SNX29: variants seen among roughly 807,000 people sequenced by gnomAD.
SNX29 encodes sorting nexin 29.
Under a neutral mutation model 102.1 loss-of-function variants are expected in SNX29, and 78 were observed. The observed-to-expected ratio is 0.76, with a 90% CI of 0.64 to 0.92. The LOEUF (loss-of-function observed/expected upper bound fraction) is 0.92. Ranked by LOEUF, SNX29 falls within the 40% of genes least tolerant of loss-of-function variation. The pLI is 0.00. For missense variants in SNX29, 1,280 were observed against 1,061.7 expected (o/e 1.21, Z -2.86); for synonymous variants, 580 against 414.5 (o/e 1.40, Z -4.85).
chr16:12,450,027 CAGG>C lies in SNX29; in HGVS notation c.2038-27689_2038-27687del, dbSNP rs72232562. On this transcript the variant is annotated intron_variant, in intron 18 of 20. Transcript: ENST00000566228. ...TGTTGTTATGATGGTGAGTAATTCT[CAGG>C]AGAGCTGATGGTTTTATAAGGGAAA... Among the ~76,000 whole-genome samples, 1,389 of 152,256 alleles carry C rather than the reference CAGG, an allele frequency of 9.1e-3. 26 individuals are homozygous for C. The highest frequency in any genetic ancestry group is 0.032 in the African/African-American group (1,322 of 41,520).
intron 2 of SNX29, chr16:12,000,409 A>T (rs2056245541): frequency 6.6e-6 from 1 of 152,230 alleles, no homozygotes. Flanking sequence ...CAGAGCTAGG[A>T]TCCAAATCTA....
At chr16:12,425,272 C>T (rs2085018381) in intron 18 of SNX29, among the ~76,000 whole-genome samples, 1 of 152,172 alleles carries the variant, frequency 6.6e-6, no homozygotes, top group Admixed American at 6.5e-5. Context: ...TCACCCCGCA[C>T]ATGCTAAGAA....
chr16:12,186,264 T>C (rs2076507120), intron 13 of SNX29, among the ~76,000 whole-genome samples: 1 of 152,246 alleles, frequency 6.6e-6, no homozygotes, highest in Non-Finnish European at 1.5e-5. Context: ...ATCTGAGATT[T>C]GCTCAAGAAT....
chr16:12,320,661 G>A (rs1306753265), intron 15 of SNX29, among the ~76,000 whole-genome samples: 1 of 152,106 alleles, frequency 6.6e-6, no homozygotes, highest in Non-Finnish European at 1.5e-5. Flanking sequence ...TCATGTGCTG[G>A]GGAAACTAAG....
chr16:12,459,610 G>C (rs558399945), intron 18 of SNX29, among the ~76,000 whole-genome samples: 7 of 152,216 alleles, frequency 4.6e-5, no homozygotes, highest in African/African-American at 1.4e-4. Context: ...TGCACGTGGG[G>C]CTGGGTGGAG....
At position 12,559,258 on chromosome 16, in the gene SNX29, C is replaced by G. The variant is rs189179914; in HGVS notation, c.2319-9248C>G. 4.6e-5 allele frequency among the ~76,000 whole-genome samples: 7 copies of G among 152,202 alleles called. No homozygotes were observed. The East Asian group carries it at 1.2e-3, about 25-fold the overall frequency. On this transcript the variant is annotated intron_variant, in intron 20 of 20. Coordinates refer to ENST00000566228, the MANE Select transcript of SNX29 (RefSeq NM_032167.5). Reference sequence around the variant, plus strand: ...CATCACTCGCATCACCGCCTGAGCTCTGCCTGTCAGATCAGCAGCAGCACT... The same window carrying G: ...CATCACTCGCATCACCGCCTGAGCTGTGCCTGTCAGATCAGCAGCAGCACT...
intron 18 of SNX29, among the ~76,000 whole-genome samples, chr16:12,472,684 C>T (rs1178793895): frequency 6.6e-6 from 1 of 152,104 alleles, no homozygotes; most frequent in South Asian, 2.1e-4. Flanking sequence ...TAAAAGAAAG[C>T]GTCTCCTTGA....
chr16:12,462,638 A>G (rs1300231026), intron 18 of SNX29, among the ~76,000 whole-genome samples: 2 of 152,194 alleles, frequency 1.3e-5, no homozygotes, highest in African/African-American at 2.4e-5. Context: ...TTATCAATAT[A>G]TCATAAGCAG....
At chr16:12,472,544 CAAAAA>C in intron 18 of SNX29, among the ~76,000 whole-genome samples, 1 of 115,640 alleles carries the variant, frequency 8.6e-6, no homozygotes, top group Admixed American at 8.5e-5. Flanking sequence ...AAAAAAAAAA[CAAAAA>C]AAAAAAGAAA....
At chr16:12,555,988 GTTTT>G (rs577174159) in intron 20 of SNX29, among the ~76,000 whole-genome samples, 4 of 151,836 alleles carry the variant, frequency 2.6e-5, no homozygotes, top group Non-Finnish European at 5.9e-5. Context: ...ATTTTCAAGT[GTTTT>G]TTTTGTTCAC....
At chr16:12,535,077 AAGAG>A (rs982835357) in intron 20 of SNX29, among the ~76,000 whole-genome samples, 5 of 152,320 alleles carry the variant, frequency 3.3e-5, no homozygotes, top group East Asian at 1.9e-4. Flanking sequence ...AGTCAAGAAA[AAGAG>A]AGAGGGAGGA....
chr16:12,492,292 AT>A (rs1306364962), intron 19 of SNX29, among the ~76,000 whole-genome samples: 1 of 152,034 alleles, frequency 6.6e-6, no homozygotes, highest in Non-Finnish European at 1.5e-5. Context: ...GATGATGAGC[AT>A]TTTTTCATGT....
intron 15 of SNX29, among the ~76,000 whole-genome samples, chr16:12,298,713 C>T (rs1019565513): frequency 2.6e-5 from 4 of 152,152 alleles, no homozygotes; most frequent in African/African-American, 9.7e-5. Flanking sequence ...CCTCCCATGG[C>T]TGGGAGGACC....
At chr16:12,502,516 C>G (rs533417545) in intron 19 of SNX29, among the ~76,000 whole-genome samples, 15 of 152,136 alleles carry the variant, frequency 9.9e-5, no homozygotes, top group African/African-American at 3.6e-4. Flanking sequence ...AACTCTGACT[C>G]TCATCAGCTT....
At chr16:12,066,954 G>C (rs2051065109) in intron 9 of SNX29, among the ~76,000 whole-genome samples, 1 of 151,458 alleles carries the variant, frequency 6.6e-6, no homozygotes, top group Non-Finnish European at 1.5e-5. Context: ...AGACTGGTCT[G>C]GGCAACATAG....
intron 14 of SNX29, among the ~76,000 whole-genome samples, chr16:12,226,051 G>A (rs556043352): frequency 1.3e-5 from 2 of 152,220 alleles, no homozygotes; most frequent in South Asian, 4.2e-4. Context: ...GCATACAAAT[G>A]ACTTCTCTGT....
chr16:12,357,079 T>A (rs1374071596), intron 16 of SNX29, among the ~76,000 whole-genome samples: 1 of 152,260 alleles, frequency 6.6e-6, no homozygotes, highest in African/African-American at 2.4e-5. Flanking sequence ...CAAACCACAA[T>A]GCCGTGAGCA....
At chr16:12,131,460 G>A (rs1374519599) in intron 13 of SNX29, among the ~76,000 whole-genome samples, 1 of 152,100 alleles carries the variant, frequency 6.6e-6, no homozygotes, top group Admixed American at 6.5e-5. Flanking sequence ...CTGCTTAGGA[G>A]TGCAAAAGCA....
chr16:12,358,820 C>G (rs1007929694), intron 16 of SNX29, among the ~76,000 whole-genome samples: 4 of 152,194 alleles, frequency 2.6e-5, no homozygotes, highest in Admixed American at 2.0e-4. Flanking sequence ...CCCAGGAAGA[C>G]AGGATTCAGG....
Sources: gnomAD v4.1 joint callset for allele counts (sites outside exome capture counted in the v4.1 genomes callset) on GRCh38, gnomAD v4.1.1 for gene constraint, MANE v1.5 for transcripts, NCBI Gene and HGNC (gene_info 2026-07-23, HGNC 2026-07-21) for gene names.